CDK13: variants seen among roughly 807,000 people sequenced by gnomAD.
CDK13 encodes the protein cyclin-dependent kinase 13.
Under a neutral mutation model 137.6 loss-of-function variants are expected in CDK13, and 40 were observed. The observed-to-expected ratio is 0.29, with a 90% CI of 0.23 to 0.38. CDK13 has a LOEUF of 0.38. Ranked by LOEUF, CDK13 falls within the 10% of genes least tolerant of loss-of-function variation. The probability of loss-of-function intolerance (pLI) is 1.00; values close to 1 mark genes in which losing one functional copy is unlikely to be tolerated. For missense variants in CDK13, 1,704 were observed against 1,951.8 expected, an observed-to-expected ratio of 0.87 and a Z score of 2.39; for synonymous variants, 869 against 760.1, an observed-to-expected ratio of 1.14 and a Z score of -2.36.
At chr7:40,078,205 A>G in intron 10 of CDK13, 84 bp downstream of exon 10, 2 of 668,414 alleles carry the variant, frequency 3.0e-6, no homozygotes, top group Non-Finnish European at 5.0e-6. Flanking sequence ...TCTATTCTCT[A>G]GTGATCTGAG....
At chr7:40,030,793 T>G (rs1019181627) in intron 5 of CDK13, among the ~76,000 whole-genome samples, 1 of 152,158 alleles carries the variant, frequency 6.6e-6, no homozygotes, top group African/African-American at 2.4e-5. Flanking sequence ...CAGATTGGCT[T>G]CTTTTACTTA....
At chr7:39,989,700 G>A (rs117122297) in intron 2 of CDK13, among the ~76,000 whole-genome samples, 2,724 of 152,104 alleles carry the variant, frequency 0.018, 42 homozygotes, top group Non-Finnish European at 0.03. Context: ...TGAGGCTTGA[G>A]TGTGGAATTG....
At chr7:40,086,450 C>A (rs1008150775) in intron 11 of CDK13, among the ~76,000 whole-genome samples, 1 of 152,188 alleles carries the variant, frequency 6.6e-6, no homozygotes, top group Non-Finnish European at 1.5e-5. Context: ...TTCTAAGCCT[C>A]AAGTTTCTCA....
chr7:39,957,447 T>C (rs1379562621), intron 1 of CDK13, among the ~76,000 whole-genome samples: 1 of 152,182 alleles, frequency 6.6e-6, no homozygotes, highest in Non-Finnish European at 1.5e-5. Flanking sequence ...AGCTTATTTA[T>C]TGGTGGTTTA....
intron 11 of CDK13, among the ~76,000 whole-genome samples, chr7:40,083,103 CA>C (rs34744742): frequency 0.53 from 53,497 of 100,414 alleles, 10,888 homozygotes; most frequent in Middle Eastern, 0.65. Flanking sequence ...ACTCTGTCTC[CA>C]AAAAAAAAAA....
chr7:39,950,553 G>A lies in CDK13; in HGVS notation c.-89G>A, dbSNP rs2116044021. On this transcript the variant is annotated 5_prime_UTR_variant, in exon 1 of 14. Transcript: ENST00000181839. Reference sequence around the variant, plus strand: ...CTCTGGTGCTCGGTGTCCCTCCGCCGCCGCTCCCGTTTCCGGCGGGGGAGA... The same window carrying A: ...CTCTGGTGCTCGGTGTCCCTCCGCCACCGCTCCCGTTTCCGGCGGGGGAGA... The A allele has an allele frequency of 2.4e-6, 3 of 1,272,278 alleles. No homozygotes were observed. The highest frequency in any genetic ancestry group is 3.0e-6 in the Non-Finnish European group (3 of 1,009,744). The allele number at this position is 1,272,278 out of a possible 1,614,324, so 78.8% of individuals were successfully genotyped here.
chr7:40,082,809 A>T (rs1037183979), intron 11 of CDK13, among the ~76,000 whole-genome samples: 1 of 150,682 alleles, frequency 6.6e-6, no homozygotes, highest in African/African-American at 2.4e-5. Context: ...AAAAAAAAAA[A>T]GTTATTTTAG....
intron 5 of CDK13, among the ~76,000 whole-genome samples, chr7:40,009,868 A>G (rs1020312133): frequency 1.3e-5 from 2 of 152,230 alleles, no homozygotes; most frequent in African/African-American, 2.4e-5. Flanking sequence ...TGCCAGGGCA[A>G]TTAGTCAAGA....
At chr7:40,040,698 T>C (rs368300148) in intron 5 of CDK13, among the ~76,000 whole-genome samples, 42 of 152,348 alleles carry the variant, frequency 2.8e-4, no homozygotes, top group African/African-American at 1.0e-3. Flanking sequence ...ACATTTCTTA[T>C]GTGAGCTTTT....
In CDK13 at chr7:39,951,413, C is replaced by T. The variant is rs1429350513; in HGVS notation, c.772C>T (p.Arg258Trp). The change falls in exon 1 of 14, where the codon CGG (arginine) becomes TGG (tryptophan). Residue 258 changes from arginine to tryptophan, a missense_variant. Arg to Trp is a moderately radical substitution (Grantham distance 101). Coordinates refer to ENST00000181839, the MANE Select transcript of CDK13 (RefSeq NM_003718.5). ...CAGCAGCAGCAGCAGCGGCGGCCGC[C>T]GGAAAAGCGCTTCGGCCACATCCAG... ...SGSSSSSGGR[R>W]KSASATSSSS... The T allele has an allele frequency of 1.6e-5, 24 of 1,524,410 alleles. No homozygotes were observed. Among genetic ancestry groups the T allele is most frequent in the Non-Finnish European group, 1.9e-5 (22 of 1,138,290 alleles). 94.4% of individuals were successfully genotyped at this position (1,524,410 alleles called of 1,614,324 possible).
At chr7:40,024,311 A>G (rs1018118092) in intron 5 of CDK13, among the ~76,000 whole-genome samples, 4 of 152,142 alleles carry the variant, frequency 2.6e-5, no homozygotes, top group African/African-American at 9.7e-5. Flanking sequence ...TACTCTGTAC[A>G]CTACTTCTTT....
At chr7:39,990,714 C>A (rs985628963) in intron 2 of CDK13, among the ~76,000 whole-genome samples, 2 of 152,146 alleles carry the variant, frequency 1.3e-5, no homozygotes, top group Non-Finnish European at 2.9e-5. Context: ...ATGAGTTAAT[C>A]TTTCTGTGCC....
At chr7:39,963,554 A>G (rs1381525436) in intron 1 of CDK13, among the ~76,000 whole-genome samples, 2 of 152,200 alleles carry the variant, frequency 1.3e-5, no homozygotes, top group Non-Finnish European at 2.9e-5. Context: ...TAGATATACA[A>G]TCATGTCATC....
At chr7:39,955,268 GA>G (rs532522847) in intron 1 of CDK13, among the ~76,000 whole-genome samples, 9 of 152,120 alleles carry the variant, frequency 5.9e-5, no homozygotes, top group Non-Finnish European at 8.8e-5. Flanking sequence ...GTGATAGTTG[GA>G]AACATTCCCA....
chr7:40,096,487 A>G lies in CDK13; in HGVS notation c.*1507A>G, dbSNP rs1224507691. On this transcript the variant is annotated 3_prime_UTR_variant, in exon 14 of 14. Coordinates refer to ENST00000181839, the MANE Select transcript of CDK13 (RefSeq NM_003718.5). The stretch of plus-strand genomic sequence containing the variant: ...AGAAAGGAACCAAAGGTAAATAACC[A>G]GTGTTTCCATTATCACTAAATGGAA... The G allele has an allele frequency of 6.6e-6, 1 of 152,210 alleles. No homozygotes were observed. Among genetic ancestry groups the G allele is most frequent in the Admixed American group, 6.5e-5 (1 of 15,276 alleles). The allele number at this position is 152,210 out of a possible 1,614,324, so 9.4% of individuals were successfully genotyped here.
At chr7:40,003,050 C>A (rs1247726780) in intron 5 of CDK13, among the ~76,000 whole-genome samples, 1 of 151,580 alleles carries the variant, frequency 6.6e-6, no homozygotes, top group Non-Finnish European at 1.5e-5. Context: ...TGCACTCCAA[C>A]CTCGGTGACA....
intron 7 of CDK13, chr7:40,048,573 A>C (rs1382923266): frequency 6.6e-6 from 1 of 152,148 alleles, no homozygotes; most frequent in African/African-American, 2.4e-5. Context: ...ATGTGTATAT[A>C]TATATCTGAA....
rs1306887015 is a variant in CDK13 at position 39,987,833 on chromosome 7, T to A, written c.1446T>A (p.Ala482=). The change falls in exon 2 of 14, where the codon GCT becomes GCA. Residue 482 remains alanine, a synonymous_variant. Transcript: ENST00000181839. ...KAAEATKAAE[A]AAKAAKASNT... is the part of the protein sequence containing the mutation. ...CAGAAGCAACTAAGGCTGCTGAGGC[T>A]GCTGCCAAGGCTGCAAAAGCTTCAA... 2 of 1,614,070 alleles carry A rather than the reference T, an allele frequency of 1.2e-6. No homozygotes were observed. Among genetic ancestry groups the A allele is most frequent in the Non-Finnish European group, 1.7e-6 (2 of 1,180,030 alleles).
At chr7:40,021,596 CTTT>C (rs1029044907) in intron 5 of CDK13, among the ~76,000 whole-genome samples, 1 of 151,930 alleles carries the variant, frequency 6.6e-6, no homozygotes, top group Non-Finnish European at 1.5e-5. Flanking sequence ...AACCAACATA[CTTT>C]TTTTTGAAAA....
Sources: allele counts gnomAD v4.1 joint callset (sites outside exome capture counted in the v4.1 genomes callset), GRCh38; gene constraint gnomAD v4.1.1; transcripts MANE v1.5; gene names NCBI Gene and HGNC (gene_info 2026-07-23, HGNC 2026-07-21).